ADGRL2: variants seen among roughly 807,000 people sequenced by gnomAD.
The protein encoded by ADGRL2 is adhesion G protein-coupled receptor L2.
A neutral mutation model predicts 157.4 loss-of-function variants in ADGRL2; 44 were observed. The ratio of observed to expected loss-of-function variants is 0.28; its 90% CI spans 0.22 to 0.36. ADGRL2 has a LOEUF of 0.36. Ranked by LOEUF, ADGRL2 falls within the 10% of genes least tolerant of loss-of-function variation. The pLI is 1.00. For missense variants in ADGRL2, 1,510 were observed against 1,768.9 expected, an observed-to-expected ratio of 0.85 and a Z score of 2.63; for synonymous variants, 585 against 624.7, an observed-to-expected ratio of 0.94 and a Z score of 0.95.
chr1:81,607,406 G>T (rs1248462173), intron 3 of ADGRL2, among the ~76,000 whole-genome samples: 1 of 152,198 alleles, frequency 6.6e-6, no homozygotes, highest in Non-Finnish European at 1.5e-5. Context: ...ACAGCCAAGT[G>T]TGATAAAGAA....
At position 81,322,966 on chromosome 1, in the gene ADGRL2, T is replaced by G. The variant is rs537519949; in HGVS notation, c.-302+16457T>G. On this transcript the variant is annotated intron_variant, in intron 1 of 24. Coordinates refer to the ADGRL2 transcript ENST00000370721. ...TCCCACTCTTTGGTTCAAGCAATTT[T>G]CCTGCCTCAGCCCCCTGAATAGTTG... Among the ~76,000 whole-genome samples the G allele has an allele frequency of 3.3e-5, 5 of 151,894 alleles. No individual in the cohort carries two copies. In the South Asian group the frequency reaches 1.0e-3, roughly 32 times the overall value.
chr1:81,475,854 A>T (rs747813515), intron 2 of ADGRL2, among the ~76,000 whole-genome samples: 2 of 152,188 alleles, frequency 1.3e-5, no homozygotes, highest in Non-Finnish European at 2.9e-5. Context: ...TTGTGAGGCT[A>T]TTACAATCTG....
chr1:81,376,511 C>T (rs1333748592), intron 1 of ADGRL2, among the ~76,000 whole-genome samples: 2 of 151,528 alleles, frequency 1.3e-5, no homozygotes, highest in Non-Finnish European at 2.9e-5. Context: ...TTTTTTTCCT[C>T]CTTCCTTCTC....
chr1:81,353,373 G>T (rs868792377), intron 1 of ADGRL2, among the ~76,000 whole-genome samples: 11 of 152,096 alleles, frequency 7.2e-5, no homozygotes, highest in Non-Finnish European at 1.5e-5. Flanking sequence ...CTGAATTAAG[G>T]ATAGAATGAT....
At chr1:81,616,451 G>C (rs887177154) in intron 3 of ADGRL2, among the ~76,000 whole-genome samples, 10 of 152,074 alleles carry the variant, frequency 6.6e-5, no homozygotes, top group African/African-American at 2.4e-4. Flanking sequence ...CTTCTCTCAG[G>C]TACTGAGCCT....
At chr1:81,802,745 A>G (rs2088451456) in intron 1 of ADGRL2, among the ~76,000 whole-genome samples, 1 of 151,932 alleles carries the variant, frequency 6.6e-6, no homozygotes, top group Admixed American at 6.5e-5. Context: ...CTGTAAGTGG[A>G]GCGGGGAGGC....
chr1:81,826,611 T>C (rs530392426), intron 1 of ADGRL2, among the ~76,000 whole-genome samples: 49 of 152,350 alleles, frequency 3.2e-4, no homozygotes, highest in African/African-American at 1.1e-3. Context: ...CCCTTCGCCT[T>C]AACCTTTTTA....
chr1:81,891,128 T>C lies in ADGRL2; in HGVS notation c.74-15889T>C, dbSNP rs564924454. 2.0e-5 allele frequency among the ~76,000 whole-genome samples: 3 copies of C among 152,030 alleles called. No homozygotes were observed. The East Asian group carries it at 5.8e-4, about 29-fold the overall frequency. The stretch of plus-strand genomic sequence containing the variant: ...TATAATTTTAGTCTTTTACATACTT[T>C]TCTGGGAACCCATTCCCAAATCACT... On this transcript the variant is annotated intron_variant, in intron 2 of 23. Transcript: ENST00000686636.
rs1664757143 is a variant in ADGRL2, at chr1:81,992,604, A to C, written c.*1459A>C. ...TCTTCCAATTGCCCACTACATATGC[A>C]CAAAATCTGCTGGATAAGTTTTAAG... On this transcript the variant is annotated 3_prime_UTR_variant, in exon 24 of 24. Transcript: ENST00000686636. Among the ~76,000 whole-genome samples, 1 of 152,168 alleles carries C rather than the reference A, an allele frequency of 6.6e-6. No homozygotes were observed. The highest frequency in any genetic ancestry group is 2.1e-4 in the South Asian group (1 of 4,836).
chr1:81,809,886 T>C (rs2089645395), intron 1 of ADGRL2, among the ~76,000 whole-genome samples: 1 of 151,960 alleles, frequency 6.6e-6, no homozygotes, highest in Non-Finnish European at 1.5e-5. Context: ...CAAATATATC[T>C]ATATCTCCTG....
intron 3 of ADGRL2, among the ~76,000 whole-genome samples, chr1:81,593,005 G>A (rs1220858937): frequency 6.6e-6 from 1 of 152,046 alleles, no homozygotes; most frequent in African/African-American, 2.4e-5. Context: ...TGACCTAGAA[G>A]CATTTTCATT....
chr1:81,569,777 TCCAGCCCTGATGACAGAG>T (rs2080644327), intron 2 of ADGRL2, among the ~76,000 whole-genome samples: 1 of 152,082 alleles, frequency 6.6e-6, no homozygotes, highest in African/African-American at 2.4e-5. Context: ...GCCACTGCAC[TCCAGCCCTGATGACAGAG>T]CCAGACCTTG....
chr1:81,735,774 A>G (rs2084876209), intron 1 of ADGRL2, among the ~76,000 whole-genome samples: 1 of 151,474 alleles, frequency 6.6e-6, no homozygotes, highest in African/African-American at 2.4e-5. Flanking sequence ...TGGGTGACAG[A>G]GTGAGACTCC....
intron 1 of ADGRL2, among the ~76,000 whole-genome samples, chr1:81,359,352 G>A (rs934085281): frequency 6.6e-5 from 10 of 152,074 alleles, no homozygotes; most frequent in African/African-American, 2.4e-4. Context: ...TGCTGTCCAT[G>A]TAAAGCTTAC....
chr1:81,634,466 T>TC (rs1342186692), intron 3 of ADGRL2, among the ~76,000 whole-genome samples: 1 of 151,608 alleles, frequency 6.6e-6, no homozygotes, highest in Non-Finnish European at 1.5e-5. Context: ...CCCTCCATGT[T>TC]CCCCCCACTA....
At chr1:81,822,028 CTTTT>C (rs10653806) in intron 1 of ADGRL2, among the ~76,000 whole-genome samples, 1 of 125,190 alleles carries the variant, frequency 8.0e-6, no homozygotes, top group African/African-American at 3.1e-5. Flanking sequence ...ATATCAGAAA[CTTTT>C]TTTTTTTTTT....
chr1:81,989,622 T>TA lies in ADGRL2; in HGVS notation c.3656-768dup, dbSNP rs749266478. On this transcript the variant is annotated intron_variant, in intron 23 of 23. Coordinates refer to ENST00000686636, the MANE Select transcript of ADGRL2 (RefSeq NM_001366006.2). Reference sequence around the variant, plus strand: ...GAAGCTTAGAAATTCTTCATCATGTTACAATAAATCATTTTACTTTCTTTT... The same window carrying TA: ...GAAGCTTAGAAATTCTTCATCATGTTAACAATAAATCATTTTACTTTCTTTT... 6.3e-6 allele frequency: 10 copies of TA among 1,594,980 alleles called. No individual in the cohort carries two copies. In the South Asian group the frequency reaches 1.1e-4, roughly 18 times the overall value.
chr1:81,959,910 C>T (rs1411986422), intron 11 of ADGRL2, among the ~76,000 whole-genome samples: 1 of 151,786 alleles, frequency 6.6e-6, no homozygotes, highest in Non-Finnish European at 1.5e-5. Flanking sequence ...AAGTGATTCT[C>T]CTGCTTCAGC....
intron 3 of ADGRL2, among the ~76,000 whole-genome samples, chr1:81,640,929 T>C (rs2082207760): frequency 6.6e-6 from 1 of 152,224 alleles, no homozygotes; most frequent in African/African-American, 2.4e-5. Context: ...AGTAACCTGA[T>C]GTTAACTAAT....
Sources: gnomAD v4.1 joint callset for allele counts (sites outside exome capture counted in the v4.1 genomes callset) on GRCh38, gnomAD v4.1.1 for gene constraint, MANE v1.5 for transcripts, NCBI Gene and HGNC (gene_info 2026-07-23, HGNC 2026-07-21) for gene names.